The following EAF1 variants were observed in gnomAD, a reference collection of about 807,000 sequenced individuals.
The protein encoded by EAF1 is ELL-associated factor 1.
A neutral mutation model predicts 26.6 loss-of-function variants in EAF1; 19 were observed. That is an observed-to-expected ratio of 0.71 (90% CI 0.50 to 1.05). The LOEUF (loss-of-function observed/expected upper bound fraction) is 1.05, where lower values mean the gene tolerates loss of function less well. EAF1 is among the 50% of genes least tolerant of loss of function. EAF1 has a pLI of 0.00. For synonymous variants in EAF1, 102 were observed against 120.6 expected (o/e 0.85, Z 1.01); for missense variants, 260 against 335.5 (o/e 0.78, Z 1.76).
chr3:15,433,136 G>C (rs1455437716), intron 3 of EAF1: 1 of 149,912 alleles, frequency 6.7e-6, no homozygotes, highest in South Asian at 2.1e-4. Context: ...TCATGAGTTT[G>C]TGTGTCATCC....
At chr3:15,430,123 T>G (rs2061794181) in intron 2 of EAF1, 116 bp downstream of exon 2, 1 of 851,780 alleles carries the variant, frequency 1.2e-6, no homozygotes, top group Admixed American at 3.2e-5. Context: ...AAGTGGCAAC[T>G]TAAGGAAAAA....
In EAF1 at chr3:15,427,841, G is replaced by A. The variant is rs2061763150; in HGVS notation, c.62G>A (p.Ser21Asn). The A allele has an allele frequency of 1.3e-6, 2 of 1,550,998 alleles. No homozygotes were observed. Among genetic ancestry groups the A allele is most frequent in the Non-Finnish European group, 1.7e-6 (2 of 1,146,702 alleles). ...GAACATTGCCTGAGGCTCGGGGAGA[G>A]CTTCGAGAAGCGGCCGCGGGCCTCC... ...REEHCLRLGE[S>N]FEKRPRASFH... The change falls in exon 1 of 6, where the codon AGC (serine) becomes AAC (asparagine). Residue 21 changes from serine (S) to asparagine (N), a missense_variant. Transcript: ENST00000396842.
intron 1 of EAF1, among the ~76,000 whole-genome samples, chr3:15,429,473 A>G (rs2061788537): frequency 6.6e-6 from 1 of 152,226 alleles, no homozygotes; most frequent in Non-Finnish European, 1.5e-5. Flanking sequence ...TTACAGTCAC[A>G]GAATCTGTTT....
intron 5 of EAF1, 33 bp downstream of exon 5, chr3:15,436,608 G>C (rs1276763331): frequency 6.7e-7 from 1 of 1,491,354 alleles, no homozygotes; most frequent in Non-Finnish European, 9.1e-7. Flanking sequence ...GGCTGAGAGA[G>C]GGCCATAGGT....
chr3:15,439,574 AG>A lies in EAF1; in HGVS notation c.*422del, dbSNP rs1454720055. On this transcript the variant is annotated 3_prime_UTR_variant, in exon 6 of 6. Transcript: ENST00000396842. ...GAAGTCTTTGATGGGTAGGAGAGAGAGGGAAAACCTCAAACTACATCATAGA... is the reference window on the plus strand; with the variant it reads ...GAAGTCTTTGATGGGTAGGAGAGAGAGGAAAACCTCAAACTACATCATAGA... 6.3e-6 allele frequency: 1 copy of A among 159,294 alleles called. No individual in the cohort carries two copies. The highest frequency in any genetic ancestry group is 1.4e-5 in the Non-Finnish European group (1 of 72,946). The allele number at this position is 159,294 out of a possible 1,614,324, so 9.9% of individuals were successfully genotyped here.
intron 1 of EAF1, among the ~76,000 whole-genome samples, chr3:15,429,138 C>G (rs1478087798): frequency 6.6e-6 from 1 of 152,114 alleles, no homozygotes; most frequent in East Asian, 1.9e-4. Context: ...TTTAGAAACA[C>G]GAGCAGGATA....
intron 2 of EAF1, 75 bp from the exon 3 acceptor site, chr3:15,432,012 A>T: frequency 6.8e-7 from 1 of 1,469,480 alleles, no homozygotes; most frequent in Non-Finnish European, 9.2e-7. Flanking sequence ...CATCAGGTGG[A>T]GTCATCTATA....
At chr3:15,439,044 G>A in intron 5 of EAF1, 65 bp from the exon 6 acceptor site, 1 of 1,488,800 alleles carries the variant, frequency 6.7e-7, no homozygotes, top group Non-Finnish European at 9.1e-7. Context: ...TTATGAGGAA[G>A]TCATTTTTAA....
At chr3:15,428,041 G>A (rs1490713128) in intron 1 of EAF1, among the ~76,000 whole-genome samples, 159 bp downstream of exon 1, 1 of 152,032 alleles carries the variant, frequency 6.6e-6, no homozygotes, top group Non-Finnish European at 1.5e-5. Flanking sequence ...ACATCGATTT[G>A]TCCCTTCTTT....
At chr3:15,434,659 T>C (rs986525795) in intron 4 of EAF1, 121 bp downstream of exon 4, 1 of 1,214,118 alleles carries the variant, frequency 8.2e-7, no homozygotes, top group Non-Finnish European at 1.2e-6. Flanking sequence ...ATCAAAAAAA[T>C]GTCTGCAGAG....
chr3:15,429,733 C>T (rs11923356), intron 1 of EAF1, among the ~76,000 whole-genome samples, 180 bp from the exon 2 acceptor site: 9,392 of 152,162 alleles, frequency 0.062, 777 homozygotes, highest in African/African-American at 0.19. Flanking sequence ...TCTCATTGTA[C>T]GATTCTCTCT....
intron 2 of EAF1, among the ~76,000 whole-genome samples, chr3:15,431,331 A>T (rs2061800495): frequency 6.6e-6 from 1 of 152,240 alleles, no homozygotes. Context: ...TCCTTAAGGA[A>T]GTATCTGTGA....
rs746081867 is a variant in EAF1 at position 15,439,522 on chromosome 3, T to C, written c.*367T>C. The C allele has an allele frequency of 1.1e-4, 19 of 180,556 alleles. No homozygotes were observed. The highest frequency in any genetic ancestry group is 1.7e-4 in the Non-Finnish European group (15 of 86,908). 11.2% of individuals were successfully genotyped at this position (180,556 alleles called of 1,614,324 possible). A position where few individuals can be genotyped will look rare whatever the true frequency, so the allele number is the denominator to read the frequency against. On this transcript the variant is annotated 3_prime_UTR_variant, in exon 6 of 6. Transcript: ENST00000396842. ...TTTTAAACCTCAGCAGCCATCAGTT[T>C]GGCCAAGTGGTTGGTACCAGTGGAA... is the stretch of plus-strand genomic sequence containing the variant.
chr3:15,437,634 A>C (rs1355131934), intron 5 of EAF1, among the ~76,000 whole-genome samples: 1 of 152,222 alleles, frequency 6.6e-6, no homozygotes, highest in Non-Finnish European at 1.5e-5. Flanking sequence ...GAAAACAAGA[A>C]CAAAAATTTA....
chr3:15,431,637 T>TA (rs2061802674), intron 2 of EAF1, among the ~76,000 whole-genome samples: 2 of 152,210 alleles, frequency 1.3e-5, no homozygotes, highest in South Asian at 4.1e-4. Flanking sequence ...ATGAGTGACA[T>TA]GATTTATTTA....
chr3:15,438,880 C>A (rs2061850353), intron 5 of EAF1: 1 of 439,184 alleles, frequency 2.3e-6, no homozygotes, highest in Non-Finnish European at 4.0e-6. Context: ...ATCCAGCTTA[C>A]TTCTCCTTTG....
In EAF1 at chr3:15,436,348, G is replaced by A. The variant is rs2061834421; in HGVS notation, c.533G>A (p.Arg178Lys). 4 of 1,606,802 alleles carry A rather than the reference G, an allele frequency of 2.5e-6. No homozygotes were observed. In the African/African-American group the frequency reaches 4.0e-5, roughly 16 times the overall value. The part of the protein sequence containing the change: ...PQLDDIKREL[R>K]AEVDIIEQMS... ...GTCATATCCTTTATTCCAGAGCTGA[G>A]GGCTGAAGTTGACATTATTGAACAA... The change falls in exon 5 of 6, where the codon AGG (arginine) becomes AAG (lysine). Residue 178 changes from arginine (R) to lysine (K), a missense_variant. By Grantham distance (26) the Arg-to-Lys change is conservative (BLOSUM62 2). Coordinates refer to ENST00000396842, the MANE Select transcript of EAF1 (RefSeq NM_033083.7).
Position 15,427,852 on chromosome 3 carries a change from C to G in EAF1, c.73C>G (p.Arg25Gly). 6.4e-7 allele frequency: 1 copy of G among 1,550,532 alleles called. No homozygotes were observed. Among genetic ancestry groups the G allele is most frequent in the Non-Finnish European group, 8.7e-7 (1 of 1,146,514 alleles). ...CLRLGESFEK[R>G]PRASFHTIRY... ...GAGGCTCGGGGAGAGCTTCGAGAAGCGGCCGCGGGCCTCCTTCCACACTAT... is the reference window on the plus strand; with the variant it reads ...GAGGCTCGGGGAGAGCTTCGAGAAGGGGCCGCGGGCCTCCTTCCACACTAT... The change falls in exon 1 of 6, where the codon CGG becomes GGG. Residue 25 changes from arginine (R) to glycine (G), a missense_variant. By Grantham distance (125) the Arg-to-Gly change is moderately radical. Coordinates refer to ENST00000396842, the MANE Select transcript of EAF1 (RefSeq NM_033083.7).
Position 15,428,389 on chromosome 3 carries a change from A to G in EAF1, c.103+507A>G, listed in dbSNP as rs140447927. Among the ~76,000 whole-genome samples, 732 of 152,012 alleles carry G rather than the reference A, an allele frequency of 4.8e-3. 16 individuals carry two copies. Among genetic ancestry groups the G allele is most frequent in the Admixed American group, 0.031 (481 of 15,290 alleles). ...CCGACTTGGTCCTGGACTCCCAAATACTGTGCTTTGTCCCCTCTACAGCCA... is the reference window on the plus strand; with the variant it reads ...CCGACTTGGTCCTGGACTCCCAAATGCTGTGCTTTGTCCCCTCTACAGCCA... On this transcript the variant is annotated intron_variant, in intron 1 of 5. Coordinates refer to ENST00000396842, the MANE Select transcript of EAF1 (RefSeq NM_033083.7).
Sources: gnomAD v4.1 joint callset for allele counts (sites outside exome capture counted in the v4.1 genomes callset) on GRCh38, gnomAD v4.1.1 for gene constraint, MANE v1.5 for transcripts, NCBI Gene and HGNC (gene_info 2026-07-23, HGNC 2026-07-21) for gene names.